The following TEC variants were observed in gnomAD, a reference collection of about 807,000 sequenced individuals.
TEC encodes the protein tyrosine-protein kinase Tec.
TEC carries 72 observed loss-of-function variants against 93.0 expected under a neutral mutation model. That is an observed-to-expected ratio of 0.77 (90% CI 0.64 to 0.94). TEC has a LOEUF of 0.94. TEC is among the 40% of genes least tolerant of loss of function. The pLI is 0.00. For missense variants in TEC, 630 were observed against 757.9 expected (o/e 0.83, Z 1.98); for synonymous variants, 249 against 247.7 (o/e 1.01, Z -0.05).
chr4:48,257,466 G>A (rs1724374576), intron 1 of TEC, among the ~76,000 whole-genome samples: 2 of 152,182 alleles, frequency 1.3e-5, no homozygotes, highest in South Asian at 4.1e-4. Context: ...AAAGAGAGGA[G>A]AGGAGCATAC....
chr4:48,141,290 C>A, intron 15 of TEC, 65 bp downstream of exon 15: 3 of 1,402,702 alleles, frequency 2.1e-6, no homozygotes, highest in East Asian at 2.3e-5. Flanking sequence ...CAAATTATTC[C>A]CACACTTATT....
rs377483190 is a variant in TEC at position 48,148,869 on chromosome 4, A to G, written c.1006+688T>C. Reference sequence around the variant, plus strand: ...ATGCCAGTGTGTGTTGTTCCCCTCTATGTGTCCATGTATTCCTATTATTTA... The same window carrying G: ...ATGCCAGTGTGTGTTGTTCCCCTCTGTGTGTCCATGTATTCCTATTATTTA... On this transcript the variant is annotated intron_variant, in intron 11 of 17. Transcript: ENST00000381501. Among the ~76,000 whole-genome samples, 73 of 152,094 alleles carry G rather than the reference A, an allele frequency of 4.8e-4. 1 individual carries two copies. The South Asian group carries it at 0.015, about 32-fold the overall frequency.
At chr4:48,168,943 G>T (rs1720988615) in intron 5 of TEC, among the ~76,000 whole-genome samples, 1 of 152,144 alleles carries the variant, frequency 6.6e-6, no homozygotes, top group Non-Finnish European at 1.5e-5. Context: ...TTGAAATCAT[G>T]ACAACACTGA....
At chr4:48,167,254 A>AACACATATACACACATATAGACAC (rs1720905509) in intron 7 of TEC, among the ~76,000 whole-genome samples, 2 of 152,054 alleles carry the variant, frequency 1.3e-5, no homozygotes, top group Non-Finnish European at 2.9e-5. Flanking sequence ...TACATACACA[A>AACACATATACACACATATAGACAC]ACACATATAC....
At chr4:48,246,158 C>T (rs1161014887) in intron 1 of TEC, among the ~76,000 whole-genome samples, 1 of 151,758 alleles carries the variant, frequency 6.6e-6, no homozygotes, top group Non-Finnish European at 1.5e-5. Context: ...ATCTTGTCTA[C>T]CTACAGAGAG....
intron 1 of TEC, among the ~76,000 whole-genome samples, chr4:48,268,086 T>C (rs185712952): frequency 6.6e-6 from 1 of 152,370 alleles, no homozygotes; most frequent in African/African-American, 2.4e-5. Flanking sequence ...GTTACCATTA[T>C]CTCAGCTTTA....
At position 48,168,949 on chromosome 4, in the gene TEC, A is replaced by T. The variant is rs974306866; in HGVS notation, c.455-323T>A. Among the ~76,000 whole-genome samples the T allele has an allele frequency of 2.6e-5, 4 of 152,206 alleles. No homozygotes were observed. In the South Asian group the frequency reaches 8.3e-4, roughly 31 times the overall value. On this transcript the variant is annotated intron_variant, in intron 5 of 17. Transcript: ENST00000381501. The stretch of plus-strand genomic sequence containing the variant: ...AATCAAACATTGAAATCATGACAAC[A>T]CTGAGAAATTAATCAGCTTTGGCTG...
chr4:48,167,633 G>A (rs1720922266), intron 7 of TEC, 145 bp downstream of exon 7: 1 of 695,598 alleles, frequency 1.4e-6, no homozygotes, highest in Non-Finnish European at 2.4e-6. Context: ...AAAGGACTGT[G>A]TTACTACCAA....
intron 8 of TEC, among the ~76,000 whole-genome samples, chr4:48,157,820 A>C (rs1264612655): frequency 6.6e-6 from 1 of 151,894 alleles, no homozygotes; most frequent in African/African-American, 2.4e-5. Context: ...CTGGCCCTGT[A>C]CCTCTTCTTA....
intron 1 of TEC, among the ~76,000 whole-genome samples, chr4:48,241,746 C>A (rs1418375393): frequency 6.6e-6 from 1 of 152,216 alleles, no homozygotes; most frequent in Non-Finnish European, 1.5e-5. Context: ...TGATAGCATT[C>A]TTGACCACCT....
At chr4:48,194,003 G>A (rs1368350360) in intron 2 of TEC, among the ~76,000 whole-genome samples, 1 of 152,084 alleles carries the variant, frequency 6.6e-6, no homozygotes, top group Non-Finnish European at 1.5e-5. Context: ...CAAATCTGTG[G>A]AACAAAACCT....
chr4:48,186,832 C>G (rs4543082), intron 2 of TEC, among the ~76,000 whole-genome samples: 122,341 of 150,214 alleles, frequency 0.81, 49,815 homozygotes, highest in East Asian at 0.94. Context: ...CCTCCGCCCA[C>G]CCACTGCCCC....
chr4:48,161,299 T>C (rs1269533076), intron 8 of TEC, among the ~76,000 whole-genome samples: 1 of 152,030 alleles, frequency 6.6e-6, no homozygotes, highest in African/African-American at 2.4e-5. Flanking sequence ...GCCTTTATCC[T>C]AAGCTTTTTC....
intron 2 of TEC, among the ~76,000 whole-genome samples, chr4:48,185,729 C>G (rs1721793572): frequency 6.6e-6 from 1 of 151,832 alleles, no homozygotes. Flanking sequence ...AAGTAATATC[C>G]AGAATATAAA....
At chr4:48,163,564 G>C in intron 8 of TEC, 138 bp downstream of exon 8, 2 of 592,110 alleles carry the variant, frequency 3.4e-6, no homozygotes, top group Non-Finnish European at 5.9e-6. Flanking sequence ...TACCACATCA[G>C]GCAATTGAGT....
chr4:48,265,374 GATATATATATATATGTGTGTGT>G (rs1560429941), intron 1 of TEC, among the ~76,000 whole-genome samples: 2 of 145,318 alleles, frequency 1.4e-5, no homozygotes, highest in East Asian at 4.0e-4. Context: ...CAATGAGATA[GATATATATATATATGTGTGTGT>G]ATATGTATAT....
At chr4:48,219,503 T>C (rs1302147587) in intron 2 of TEC, among the ~76,000 whole-genome samples, 2 of 152,192 alleles carry the variant, frequency 1.3e-5, no homozygotes, top group African/African-American at 4.8e-5. Flanking sequence ...TACTCCTGGT[T>C]CCTCTTTGAA....
At chr4:48,217,393 C>T (rs1398090070) in intron 2 of TEC, among the ~76,000 whole-genome samples, 3 of 152,154 alleles carry the variant, frequency 2.0e-5, no homozygotes, top group Admixed American at 1.3e-4. Context: ...TGAGATACCG[C>T]GCCCAGCCAG....
chr4:48,149,418 T>G, intron 11 of TEC, 139 bp downstream of exon 11: 2 of 844,662 alleles, frequency 2.4e-6, no homozygotes, highest in South Asian at 2.3e-5. Flanking sequence ...TATCATTCCT[T>G]TAATATGCAG....
Sources: allele counts gnomAD v4.1 joint callset (sites outside exome capture counted in the v4.1 genomes callset), GRCh38; gene constraint gnomAD v4.1.1; transcripts MANE v1.5; gene names NCBI Gene and HGNC (gene_info 2026-07-23, HGNC 2026-07-21).